The following GPR137C variants were observed in gnomAD, a reference collection of about 807,000 sequenced individuals.
GPR137C encodes the protein integral membrane protein GPR137C.
Under a neutral mutation model 43.4 loss-of-function variants are expected in GPR137C, and 27 were observed. The observed-to-expected ratio is 0.62, with a 90% CI of 0.46 to 0.86. GPR137C has a LOEUF of 0.86. GPR137C is among the 40% of genes least tolerant of loss of function. The probability of loss-of-function intolerance (pLI) is 0.00; values close to 1 mark genes in which losing one functional copy is unlikely to be tolerated. For missense variants in GPR137C, 522 were observed against 534.6 expected (o/e 0.98, Z 0.23); for synonymous variants, 285 against 226.9 (o/e 1.26, Z -2.30).
chr14:52,569,684 G>T (rs1381270917), intron 1 of GPR137C, among the ~76,000 whole-genome samples: 1 of 151,570 alleles, frequency 6.6e-6, no homozygotes, highest in Non-Finnish European at 1.5e-5. Context: ...GCAGAAGAAA[G>T]GATATCAGAG....
intron 3 of GPR137C, among the ~76,000 whole-genome samples, chr14:52,631,396 G>A (rs538216831): frequency 2.0e-5 from 3 of 152,192 alleles, no homozygotes; most frequent in East Asian, 3.9e-4. Context: ...TCTGTGCAAT[G>A]GAACTCTTTG....
intron 1 of GPR137C, among the ~76,000 whole-genome samples, chr14:52,570,599 C>A (rs1238179545): frequency 6.6e-6 from 1 of 152,058 alleles, no homozygotes; most frequent in Non-Finnish European, 1.5e-5. Flanking sequence ...ATTCAGGAGA[C>A]CCGTCTCACC....
At chr14:52,566,366 TTGAGGTGGTG>T (rs1322691161) in intron 1 of GPR137C, among the ~76,000 whole-genome samples, 1 of 152,212 alleles carries the variant, frequency 6.6e-6, no homozygotes, top group African/African-American at 2.4e-5. Flanking sequence ...TTGAGCTGGT[TTGAGGTGGTG>T]TAGTGTATAC....
chr14:52,605,800 A>G (rs2038977466), intron 3 of GPR137C, among the ~76,000 whole-genome samples: 1 of 152,126 alleles, frequency 6.6e-6, no homozygotes, highest in Non-Finnish European at 1.5e-5. Flanking sequence ...ATTGAAATGA[A>G]CATGTGGTTT....
chr14:52,570,918 TAGAC>T (rs1409735735), intron 1 of GPR137C, among the ~76,000 whole-genome samples: 4 of 152,132 alleles, frequency 2.6e-5, no homozygotes, highest in Non-Finnish European at 4.4e-5. Context: ...CTGTCCATAT[TAGAC>T]AGATTAACGA....
Position 52,553,045 on chromosome 14 carries a change from G to A in GPR137C, c.-103G>A. 2.0e-6 allele frequency: 1 copy of A among 512,006 alleles called. No homozygotes were observed. The highest frequency in any genetic ancestry group is 2.7e-6 in the Non-Finnish European group (1 of 374,380). The allele number at this position is 512,006 out of a possible 1,614,324, so 31.7% of individuals were successfully genotyped here. On this transcript the variant is annotated 5_prime_UTR_variant, in exon 1 of 7. Coordinates refer to ENST00000321662, the MANE Select transcript of GPR137C (RefSeq NM_001099652.2). ...ACGGCGCTTCCTGGGGTTAGAGGCT[G>A]GGGTGGGTGGGGGGTAAGGGGGCAG...
chr14:52,578,559 T>G (rs2038597954), intron 1 of GPR137C, among the ~76,000 whole-genome samples: 1 of 152,180 alleles, frequency 6.6e-6, no homozygotes, highest in African/African-American at 2.4e-5. Context: ...CTGTTTTAGT[T>G]TTTAAATCTG....
chr14:52,572,455 A>G (rs934911959), intron 1 of GPR137C, among the ~76,000 whole-genome samples: 1 of 152,240 alleles, frequency 6.6e-6, no homozygotes, highest in Non-Finnish European at 1.5e-5. Flanking sequence ...ATGCAAATCA[A>G]TAAACATAAT....
chr14:52,601,347 T>A (rs1254411214), intron 3 of GPR137C, among the ~76,000 whole-genome samples: 1 of 152,164 alleles, frequency 6.6e-6, no homozygotes, highest in Non-Finnish European at 1.5e-5. Flanking sequence ...ATTTTCGTTA[T>A]CCTTAATATA....
At position 52,634,942 on chromosome 14, in the gene GPR137C, C is replaced by T. The variant is rs768246062; in HGVS notation, c.1117C>T (p.Pro373Ser). The T allele has an allele frequency of 6.2e-7, 1 of 1,611,100 alleles. No homozygotes were observed. Among genetic ancestry groups the T allele is most frequent in the South Asian group, 1.1e-5 (1 of 90,470 alleles). ...TTTGCCTTTTTTTTGTTGCAGTTTA[C>T]CAAATTCGCAAAGTTTGGGCTGGTA... ...RLGSSREGSL[P>S]NSQSLGWYGT... Residue 373 changes from proline to serine, a missense_variant, in exon 7 of 7, where the codon CCA (proline) becomes TCA (serine). Coordinates refer to ENST00000321662, the MANE Select transcript of GPR137C (RefSeq NM_001099652.2).
At chr14:52,566,329 C>T (rs1021229706) in intron 1 of GPR137C, among the ~76,000 whole-genome samples, 4 of 152,148 alleles carry the variant, frequency 2.6e-5, no homozygotes, top group Non-Finnish European at 5.9e-5. Flanking sequence ...TTGTACTCTC[C>T]TCAGCTACTA....
intron 3 of GPR137C, among the ~76,000 whole-genome samples, chr14:52,628,226 T>A (rs1265014361): frequency 6.6e-6 from 1 of 152,248 alleles, no homozygotes; most frequent in East Asian, 1.9e-4. Context: ...TATTGATTTT[T>A]GACAAAGATG....
At chr14:52,605,109 T>G (rs1309767689) in intron 3 of GPR137C, among the ~76,000 whole-genome samples, 1 of 152,224 alleles carries the variant, frequency 6.6e-6, no homozygotes, top group Non-Finnish European at 1.5e-5. Flanking sequence ...ATTGCTATTT[T>G]GACAGATATT....
At chr14:52,575,215 T>A (rs908384105) in intron 1 of GPR137C, among the ~76,000 whole-genome samples, 1 of 152,148 alleles carries the variant, frequency 6.6e-6, no homozygotes, top group African/African-American at 2.4e-5. Context: ...ACTTCACTCC[T>A]GAAAATTTTA....
intron 1 of GPR137C, among the ~76,000 whole-genome samples, chr14:52,573,018 G>T (rs1566606323): frequency 6.6e-6 from 1 of 152,170 alleles, no homozygotes; most frequent in Non-Finnish European, 1.5e-5. Flanking sequence ...ACCTACAAGG[G>T]ATGTGAAGGA....
At chr14:52,620,559 A>G (rs1411606771) in intron 3 of GPR137C, among the ~76,000 whole-genome samples, 1 of 152,042 alleles carries the variant, frequency 6.6e-6, no homozygotes, top group African/African-American at 2.4e-5. Flanking sequence ...AACAGGAAAT[A>G]CATACTCAAG....
intron 3 of GPR137C, among the ~76,000 whole-genome samples, chr14:52,618,633 A>G (rs944389952): frequency 6.6e-5 from 10 of 152,162 alleles, no homozygotes; most frequent in African/African-American, 2.4e-4. Context: ...TTATAAATCA[A>G]TGAAGTAAAT....
chr14:52,580,536 G>T (rs1742523955), intron 1 of GPR137C, among the ~76,000 whole-genome samples: 1 of 151,778 alleles, frequency 6.6e-6, no homozygotes, highest in South Asian at 2.1e-4. Context: ...TAATTTTTTT[G>T]TATTTTTAGT....
At chr14:52,578,181 C>T (rs760537663) in intron 1 of GPR137C, among the ~76,000 whole-genome samples, 27 of 151,910 alleles carry the variant, frequency 1.8e-4, no homozygotes, top group Non-Finnish European at 2.9e-4. Flanking sequence ...TCCATTTTGC[C>T]GGATATTCAA....
Sources: gnomAD v4.1 joint callset for allele counts (sites outside exome capture counted in the v4.1 genomes callset) on GRCh38, gnomAD v4.1.1 for gene constraint, MANE v1.5 for transcripts, NCBI Gene and HGNC (gene_info 2026-07-23, HGNC 2026-07-21) for gene names.